The following BCKDHB variants were observed in gnomAD, a reference collection of about 807,000 sequenced individuals.
BCKDHB encodes branched chain keto acid dehydrogenase E1 subunit beta, also known as 2-oxoisovalerate dehydrogenase subunit beta, mitochondrial.
A neutral mutation model predicts 48.5 loss-of-function variants in BCKDHB; 41 were observed. The observed-to-expected ratio is 0.85, with a 90% CI of 0.66 to 1.10. BCKDHB has a LOEUF of 1.10. BCKDHB is among the 50% of genes least tolerant of loss of function. BCKDHB has a pLI of 0.00. For missense variants in BCKDHB, 496 were observed against 494.2 expected, an observed-to-expected ratio of 1.00 and a Z score of -0.03; for synonymous variants, 201 against 174.8, an observed-to-expected ratio of 1.15 and a Z score of -1.18.
intron 9 of BCKDHB, among the ~76,000 whole-genome samples, chr6:80,290,415 A>G (rs546457844): frequency 1.3e-5 from 2 of 152,350 alleles, no homozygotes; most frequent in Admixed American, 1.3e-4. Context: ...GGCTCCCCCA[A>G]GGCCCAGGAG....
At chr6:80,147,149 G>A (rs187759048) in intron 3 of BCKDHB, among the ~76,000 whole-genome samples, 9 of 152,188 alleles carry the variant, frequency 5.9e-5, no homozygotes, top group African/African-American at 1.9e-4. Context: ...CAACAATCCT[G>A]TAAAGTTAGT....
chr6:80,369,026 A>C, the BCKDHB span, among the ~76,000 whole-genome samples: 144 of 12,314 alleles, frequency 0.012, 16 homozygotes, highest in Non-Finnish European at 0.088. Flanking sequence ...AAAAAAAAAA[A>C]CAAAAGAAAA....
intron 6 of BCKDHB, among the ~76,000 whole-genome samples, chr6:80,172,596 G>A (rs1480983726): frequency 1.3e-5 from 2 of 152,066 alleles, no homozygotes; most frequent in African/African-American, 4.8e-5. Context: ...TCTGGAGCCA[G>A]CCTGCCAATA....
In BCKDHB at chr6:80,171,314, A is replaced by G; in HGVS notation, c.666A>G (p.Lys222=). 2 of 1,609,076 alleles carry G rather than the reference A, an allele frequency of 1.2e-6. No homozygotes were observed. Among genetic ancestry groups the G allele is most frequent in the Non-Finnish European group, 1.7e-6 (2 of 1,177,790 alleles). The change falls in exon 6 of 10, where the codon AAA becomes AAG. Residue 222 remains lysine, a synonymous_variant. Transcript: ENST00000320393. The part of the protein sequence containing the change: ...VVIPRSPFQA[K]GLLLSCIEDK... ...TACCCAGAAGCCCTTTCCAGGCCAAAGGACTTCTTTTGTCATGCATAGAGG... is the reference window on the plus strand; with the variant it reads ...TACCCAGAAGCCCTTTCCAGGCCAAGGGACTTCTTTTGTCATGCATAGAGG...
the BCKDHB span, among the ~76,000 whole-genome samples, chr6:80,380,555 A>G: frequency 6.6e-6 from 1 of 152,030 alleles, no homozygotes; most frequent in African/African-American, 2.4e-5. Context: ...ACCCAAAAGC[A>G]CAAGCAACAA....
At chr6:80,148,262 G>T (rs1037749609) in intron 3 of BCKDHB, among the ~76,000 whole-genome samples, 7 of 152,060 alleles carry the variant, frequency 4.6e-5, no homozygotes, top group African/African-American at 1.7e-4. Flanking sequence ...CTTAAAAGTG[G>T]TCCTGACATT....
At chr6:80,269,302 C>T (rs1777636527) in intron 8 of BCKDHB, among the ~76,000 whole-genome samples, 4 of 152,118 alleles carry the variant, frequency 2.6e-5, no homozygotes, top group South Asian at 4.1e-4. Context: ...ATTCTGATTG[C>T]TCCTATTGTG....
intron 9 of BCKDHB, 31 bp downstream of exon 9, chr6:80,273,252 C>T: frequency 1.3e-6 from 2 of 1,538,280 alleles, no homozygotes; most frequent in Non-Finnish European, 1.8e-6. Context: ...GATTTCAATG[C>T]TTGTGCAATT....
chr6:80,176,822 CTCCCACAGATAA>C (rs113283669), intron 6 of BCKDHB, among the ~76,000 whole-genome samples: 34 of 152,160 alleles, frequency 2.2e-4, no homozygotes, highest in African/African-American at 8.0e-4. Context: ...AACCCAGATA[CTCCCACAGATAA>C]AGCTCCGAGT....
chr6:80,217,123 T>A (rs369746929), intron 8 of BCKDHB, among the ~76,000 whole-genome samples: 13 of 151,950 alleles, frequency 8.6e-5, no homozygotes, highest in African/African-American at 2.4e-4. Flanking sequence ...GCACCTATAA[T>A]CCCAGCTACT....
chr6:80,122,028 C>T (rs181677000), intron 1 of BCKDHB, among the ~76,000 whole-genome samples: 28 of 152,298 alleles, frequency 1.8e-4, no homozygotes, highest in African/African-American at 6.0e-4. Context: ...TATGTTCCAT[C>T]AATACCTAGT....
At chr6:80,427,983 A>G in the BCKDHB span, among the ~76,000 whole-genome samples, 1 of 151,822 alleles carries the variant, frequency 6.6e-6, no homozygotes, top group Non-Finnish European at 1.5e-5. Flanking sequence ...CTGCACCGTC[A>G]CCTACATTAG....
At chr6:80,333,857 A>C (rs1769439552) in intron 9 of BCKDHB, among the ~76,000 whole-genome samples, 1 of 152,112 alleles carries the variant, frequency 6.6e-6, no homozygotes, top group Non-Finnish European at 1.5e-5. Flanking sequence ...TTAACTATGA[A>C]AGTATCCAGA....
chr6:80,146,337 G>A (rs762116646), intron 3 of BCKDHB, among the ~76,000 whole-genome samples: 6 of 152,084 alleles, frequency 3.9e-5, no homozygotes, highest in Non-Finnish European at 5.9e-5. Flanking sequence ...TAAAAATAAC[G>A]CCTGGTAACT....
At chr6:80,321,952 T>A (rs1183458646) in intron 9 of BCKDHB, among the ~76,000 whole-genome samples, 1 of 152,196 alleles carries the variant, frequency 6.6e-6, no homozygotes, top group Non-Finnish European at 1.5e-5. Context: ...CAGAAGATAC[T>A]TACATGGAAT....
the BCKDHB span, among the ~76,000 whole-genome samples, chr6:80,397,102 A>C: frequency 6.6e-6 from 1 of 152,140 alleles, no homozygotes; most frequent in African/African-American, 2.4e-5. Context: ...TAGCTAATTT[A>C]AATATTATAA....
At chr6:80,389,331 A>T in the BCKDHB span, among the ~76,000 whole-genome samples, 3 of 152,210 alleles carry the variant, frequency 2.0e-5, no homozygotes, top group Non-Finnish European at 4.4e-5. Flanking sequence ...GCCACTGCTG[A>T]GTGCCCAATT....
chr6:80,337,980 C>T (rs1769682947), intron 9 of BCKDHB, among the ~76,000 whole-genome samples: 2 of 152,128 alleles, frequency 1.3e-5, no homozygotes, highest in Non-Finnish European at 2.9e-5. Context: ...TCTATACCAG[C>T]TATATAAGAA....
the BCKDHB span, chr6:80,463,327 T>A: frequency 6.6e-6 from 1 of 152,198 alleles, no homozygotes; most frequent in East Asian, 1.9e-4. Context: ...TAAAGGATAC[T>A]CCATGTGAGT....
Sources: allele counts gnomAD v4.1 joint callset (sites outside exome capture counted in the v4.1 genomes callset), GRCh38; gene constraint gnomAD v4.1.1; transcripts MANE v1.5; gene names NCBI Gene and HGNC (gene_info 2026-07-23, HGNC 2026-07-21).